The following DGKQ variants were observed in gnomAD, a reference collection of about 807,000 sequenced individuals.
The protein encoded by DGKQ is diacylglycerol kinase theta, also known as DAG kinase theta.
Under a neutral mutation model 104.2 loss-of-function variants are expected in DGKQ, and 97 were observed. The ratio of observed to expected loss-of-function variants is 0.93; its 90% confidence interval spans 0.79 to 1.10. The LOEUF (loss-of-function observed/expected upper bound fraction) is 1.10. Ranked by LOEUF, DGKQ falls within the 50% of genes least tolerant of loss-of-function variation. DGKQ has a pLI of 0.00. For missense variants in DGKQ, 1,465 were observed against 1,352.1 expected (o/e 1.08, Z -1.31); for synonymous variants, 736 against 595.2 (o/e 1.24, Z -3.44).
rs1711991788 is a variant in DGKQ at position 962,850 on chromosome 4, C to T, written c.1957G>A (p.Val653Met). The part of the protein sequence containing the change: ...VCGGDGTVGW[V>M]LGALEETRYR... ...CGTGTCTCCTCCAGGGCGCCAAGCACCCAGCCCACAGTGCCATCGCCACCA... is the reference window on the plus strand; with the variant it reads ...CGTGTCTCCTCCAGGGCGCCAAGCATCCAGCCCACAGTGCCATCGCCACCA... Residue 653 changes from valine (V) to methionine (M), a missense_variant, in exon 17 of 23, where the codon GTG becomes ATG. Transcript: ENST00000273814. The T allele has an allele frequency of 6.2e-7, 1 of 1,607,904 alleles. No individual in the cohort carries two copies. Among genetic ancestry groups the T allele is most frequent in the Admixed American group, 1.7e-5 (1 of 59,414 alleles).
chr4:965,670 G>A (rs1400484798), intron 13 of DGKQ, 141 bp from the exon 14 acceptor site: 4 of 989,894 alleles, frequency 4.0e-6, no homozygotes, highest in Non-Finnish European at 6.0e-6. Flanking sequence ...CCCCACTCCA[G>A]GAGCAGGACT....
rs892104187 is a variant in DGKQ at position 961,086 on chromosome 4, G to T, written c.2690C>A (p.Ala897Asp). 6.2e-7 allele frequency: 1 copy of T among 1,612,150 alleles called. No individual in the cohort carries two copies. The highest frequency in any genetic ancestry group is 1.3e-5 in the African/African-American group (1 of 74,906). ...AGCTGAGATGATCATGTGCCCCGGG[G>T]CCTGGACCCAGGGCTCCCCGTCCAC... ...VQVDGEPWVQ[A>D]PGHMIISAAG... Residue 897 changes from alanine to aspartate, a missense_variant, in exon 22 of 23, where the codon GCC becomes GAC. By Grantham distance (126) the Ala-to-Asp change is moderately radical. Coordinates refer to ENST00000273814, the MANE Select transcript of DGKQ (RefSeq NM_001347.4).
At chr4:960,808 G>A in intron 22 of DGKQ, 87 bp from the exon 23 acceptor site, 1 of 1,543,310 alleles carries the variant, frequency 6.5e-7, no homozygotes, top group Admixed American at 1.9e-5. Context: ...GGGGCCCCGG[G>A]CAGCTGATGC....
intron 8 of DGKQ, 78 bp downstream of exon 8, chr4:967,471 G>T: frequency 6.7e-7 from 1 of 1,500,740 alleles, no homozygotes; most frequent in Non-Finnish European, 9.1e-7. Context: ...CAGGTTGGGG[G>T]AGCCAGGTCA....
In DGKQ at chr4:966,068, C is replaced by A. The variant is rs749172999; in HGVS notation, c.1439G>T (p.Arg480Leu). 7 of 1,600,814 alleles carry A rather than the reference C, an allele frequency of 4.4e-6. No individual in the cohort carries two copies. The Admixed American group carries it at 8.6e-5, about 20-fold the overall frequency. Residue 480 changes from arginine to leucine, a missense_variant, in exon 13 of 23, where the codon CGG becomes CTG. Arg to Leu is a moderately radical substitution (Grantham distance 102). Coordinates refer to ENST00000273814, the MANE Select transcript of DGKQ (RefSeq NM_001347.4). ...RLQDIRQMSV[R>L]QVSQTRFYVA... ...GTAGAACCGCGTCTGGCTCACCTGC[C>A]GCACAGACATCTGCAGGGAGAGGGG...
chr4:964,292 CATTCTGCTCGA>C (rs1197381081), intron 15 of DGKQ, among the ~76,000 whole-genome samples: 1 of 152,220 alleles, frequency 6.6e-6, no homozygotes, highest in Non-Finnish European at 1.5e-5. Context: ...ACAGACAACT[CATTCTGCTCGA>C]GTTCTGCTTC....
chr4:966,692 G>T, intron 11 of DGKQ, 56 bp downstream of exon 11: 1 of 1,563,850 alleles, frequency 6.4e-7, no homozygotes. Flanking sequence ...CTGGGCAGCA[G>T]GTCCAAACCC....
Position 971,875 on chromosome 4 carries a change from C to G in DGKQ, c.272-803G>C, listed in dbSNP as rs1254997493. On this transcript the variant is annotated intron_variant, in intron 1 of 22. Coordinates refer to ENST00000273814, the MANE Select transcript of DGKQ (RefSeq NM_001347.4). This position sits in a 1 kb window ranked among gnomAD's most constrained non-coding sequence, Gnocchi z 4.0. ...CAGGCAGTCCAGCTGGGACAGGGAG[C>G]TCTTCCAGAAGGCCCCGCTGGTGCC... 6.6e-6 allele frequency among the ~76,000 whole-genome samples: 1 copy of G among 152,136 alleles called. No individual in the cohort carries two copies. The highest frequency in any genetic ancestry group is 1.5e-5 in the Non-Finnish European group (1 of 68,006).
At chr4:963,605 G>A (rs1560512334) in intron 15 of DGKQ, among the ~76,000 whole-genome samples, 2 of 152,232 alleles carry the variant, frequency 1.3e-5, no homozygotes, top group East Asian at 1.9e-4. Context: ...CATGCAGCGC[G>A]AGTCCAGGCT....
In DGKQ at chr4:967,732, C is replaced by G. The variant is rs926930746; in HGVS notation, c.882G>C (p.Glu294Asp). The G allele has an allele frequency of 1.9e-6, 3 of 1,611,246 alleles. No individual in the cohort carries two copies. The highest frequency in any genetic ancestry group is 3.3e-5 in the Admixed American group (2 of 59,844). ...GPGRETQATPESGKQTLKIFD... is the reference protein window; with the variant it reads ...GPGRETQATPDSGKQTLKIFD... ...GGGAATGAGGCGGGCACTTACCGGA[C>G]TCCGGAGTTGCCTGTGTCTCTCTGC... is the stretch of plus-strand genomic sequence containing the variant. Residue 294 changes from glutamate to aspartate, a missense_variant, in exon 7 of 23, where the codon GAG becomes GAC. By Grantham distance (45) the Glu-to-Asp change is conservative. Transcript: ENST00000273814.
chr4:968,641 A>C lies in DGKQ; in HGVS notation c.452-77T>G. ...CTCTGCCGGTGCTTGGGTCTGCCCC[A>C]TCCCCACCACCTAGCACCCTGCATC... On this transcript the variant is annotated intron_variant, in intron 3 of 22. Transcript: ENST00000273814. The C allele has an allele frequency of 2.8e-6, 4 of 1,447,176 alleles. No individual in the cohort carries two copies. The South Asian group carries it at 5.2e-5, about 19-fold the overall frequency. 89.6% of individuals were successfully genotyped at this position (1,447,176 alleles called of 1,614,324 possible).
At chr4:966,243 G>T (rs1712324803) in intron 12 of DGKQ, 165 bp from the exon 13 acceptor site, 3 of 882,932 alleles carry the variant, frequency 3.4e-6, no homozygotes, top group Non-Finnish European at 1.7e-6. Flanking sequence ...TCCTTGCTGT[G>T]GACAACCCCT....
Position 967,568 on chromosome 4 carries a change from G to T in DGKQ, c.968C>A (p.Ala323Asp), listed in dbSNP as rs1276343615. 6.2e-7 allele frequency: 1 copy of T among 1,612,522 alleles called. No individual in the cohort carries two copies. Among genetic ancestry groups the T allele is most frequent in the Non-Finnish European group, 8.5e-7 (1 of 1,179,814 alleles). ...QFRLVTVSRL[A>D]GAEEVLEAAL... ...CCTTACCAGCACCTCCTCGGCACCG[G>T]CCAGGCGGGACACCGTGACGAGGCG... The change falls in exon 8 of 23, where the codon GCC becomes GAC. Residue 323 changes from alanine to aspartate, a missense_variant. Transcript: ENST00000273814.
intron 1 of DGKQ, among the ~76,000 whole-genome samples, chr4:972,219 C>T (rs547595393): frequency 6.6e-6 from 1 of 152,240 alleles, no homozygotes. Flanking sequence ...AAGTCGGGAG[C>T]TGCCTCAGCC....
Position 969,678 on chromosome 4 carries a change from C to T in DGKQ, c.352-768G>A, listed in dbSNP as rs554602967. Among the ~76,000 whole-genome samples, 602 of 149,240 alleles carry T rather than the reference C, an allele frequency of 4.0e-3. 3 individuals are homozygous for T. Among genetic ancestry groups the T allele is most frequent in the Non-Finnish European group, 7.0e-3 (472 of 67,684 alleles). ...AGGCTGGAGTGCAGTGGCGTGATCT[C>T]GGCTCACTGCAAGCTCCGCCTCCTG... On this transcript the variant is annotated intron_variant, in intron 2 of 22. Transcript: ENST00000273814.
rs1385760656 is a variant in DGKQ, at chr4:968,506, C to G, written c.510G>C (p.Gln170His). ...CVPFACSDCR[Q>H]CHQDGHQDHD... ...GATCCTGGTGCCCATCCTGGTGGCA[C>G]TGGCGGCAGTCACTGCAGGCGAAGG... Residue 170 changes from glutamine to histidine, a missense_variant, in exon 4 of 23, where the codon CAG becomes CAC. Gln to His is a conservative substitution (Grantham distance 24). Coordinates refer to ENST00000273814, the MANE Select transcript of DGKQ (RefSeq NM_001347.4). 1 of 1,608,688 alleles carries G rather than the reference C, an allele frequency of 6.2e-7. No individual in the cohort carries two copies.
Position 968,310 on chromosome 4 carries a change from C to A in DGKQ, c.635G>T (p.Gly212Val). ...GACCCCGCACCACTCGCAGCGCACG[C>A]CGGCCAGCACGTCAGAGGAGCCGCA... Reference protein sequence around the residue: ...KTCGSSDVLAGVRCEWCGVQA... With the variant: ...KTCGSSDVLAVVRCEWCGVQA... The change falls in exon 5 of 23, where the codon GGC becomes GTC. Residue 212 changes from glycine (G) to valine (V), a missense_variant. Physicochemically the swap from Gly to Val is moderately radical, Grantham distance 109. Coordinates refer to ENST00000273814, the MANE Select transcript of DGKQ (RefSeq NM_001347.4). The A allele has an allele frequency of 6.5e-7, 1 of 1,529,772 alleles. No homozygotes were observed. Among genetic ancestry groups the A allele is most frequent in the Non-Finnish European group, 8.7e-7 (1 of 1,143,662 alleles). The allele number at this position is 1,529,772 out of a possible 1,614,324, so 94.8% of individuals were successfully genotyped here. A position where few individuals can be genotyped will look rare whatever the true frequency, so the allele number is the denominator to read the frequency against.
chr4:969,771 G>A (rs1024902230), intron 2 of DGKQ, among the ~76,000 whole-genome samples: 2 of 151,966 alleles, frequency 1.3e-5, no homozygotes, highest in Non-Finnish European at 2.9e-5. Context: ...CACCACACCC[G>A]GCTAATTTTT....
intron 1 of DGKQ, 41 bp downstream of exon 1, chr4:973,171 G>A: frequency 6.7e-7 from 1 of 1,493,992 alleles, no homozygotes; most frequent in Non-Finnish European, 8.9e-7. Flanking sequence ...CGGGGCAGAG[G>A]CAGGGCTGCA....
Sources: allele counts gnomAD v4.1 joint callset (sites outside exome capture counted in the v4.1 genomes callset), GRCh38; gene constraint gnomAD v4.1.1; non-coding constraint Gnocchi (gnomAD v3.1); transcripts MANE v1.5; gene names NCBI Gene and HGNC (gene_info 2026-07-23, HGNC 2026-07-21).